Variants in ITGA9 observed in about 807,000 individuals in gnomAD.
ITGA9 encodes the protein integrin alpha-9.
A neutral mutation model predicts 127.8 loss-of-function variants in ITGA9; 56 were observed. The observed-to-expected ratio is 0.44, with a 90% CI of 0.35 to 0.55. The LOEUF (loss-of-function observed/expected upper bound fraction) is 0.55. ITGA9 is among the 20% of genes least tolerant of loss of function. The pLI is 0.00. For missense variants in ITGA9, 1,196 were observed against 1,347.1 expected (o/e 0.89, Z 1.76); for synonymous variants, 508 against 514.5 (o/e 0.99, Z 0.17).
chr3:37,495,900 C>A (rs1351322207), intron 5 of ITGA9, among the ~76,000 whole-genome samples: 1 of 152,204 alleles, frequency 6.6e-6, no homozygotes, highest in African/African-American at 2.4e-5. Flanking sequence ...CCTTCTGACT[C>A]CGAGGCTTCC....
At chr3:37,674,095 G>A (rs1447836293) in intron 17 of ITGA9, among the ~76,000 whole-genome samples, 1 of 152,192 alleles carries the variant, frequency 6.6e-6, no homozygotes, top group Non-Finnish European at 1.5e-5. Context: ...ATTATTCTTA[G>A]GAGACATAGA....
At chr3:37,553,565 C>T (rs1235595458) in intron 15 of ITGA9, among the ~76,000 whole-genome samples, 1 of 152,236 alleles carries the variant, frequency 6.6e-6, no homozygotes, top group Non-Finnish European at 1.5e-5. Context: ...TCCAACATCA[C>T]TGAAGGTATG....
chr3:37,615,921 GATTC>G (rs1174004452), intron 15 of ITGA9, among the ~76,000 whole-genome samples: 1 of 152,134 alleles, frequency 6.6e-6, no homozygotes, highest in Non-Finnish European at 1.5e-5. Context: ...ACAGCTCCTG[GATTC>G]ATTGATTTTT....
chr3:37,773,155 C>T (rs2125548186), intron 23 of ITGA9, among the ~76,000 whole-genome samples: 1 of 152,330 alleles, frequency 6.6e-6, no homozygotes, highest in South Asian at 2.1e-4. Flanking sequence ...CAAGCTTCCT[C>T]TCCCTGCCTA....
intron 23 of ITGA9, among the ~76,000 whole-genome samples, chr3:37,765,955 G>C (rs573731774): frequency 6.6e-6 from 1 of 152,350 alleles, no homozygotes; most frequent in Non-Finnish European, 1.5e-5. Context: ...ATGCGTAGGT[G>C]CCTGGTGTTT....
intron 19 of ITGA9, among the ~76,000 whole-genome samples, chr3:37,734,529 G>A (rs376219986): frequency 2.9e-4 from 44 of 152,010 alleles, no homozygotes; most frequent in Non-Finnish European, 5.4e-4. Flanking sequence ...TCTCTCTGTC[G>A]CCCAGGCTGG....
intron 22 of ITGA9, chr3:37,748,939 TAAA>T: frequency 7.3e-6 from 4 of 551,632 alleles, no homozygotes; most frequent in African/African-American, 2.0e-5. Flanking sequence ...CTGGACTGTT[TAAA>T]AAAAAAAAGA....
intron 18 of ITGA9, among the ~76,000 whole-genome samples, chr3:37,701,161 C>T (rs1700941662): frequency 6.6e-6 from 1 of 152,226 alleles, no homozygotes; most frequent in African/African-American, 2.4e-5. Context: ...CCTTTGTCCA[C>T]ATGGGTTTCT....
Position 37,517,625 on chromosome 3 carries a change from T to C in ITGA9, c.1141+16T>C. On this transcript the variant is annotated intron_variant, in intron 10 of 27. Coordinates refer to ENST00000264741, the MANE Select transcript of ITGA9 (RefSeq NM_002207.3). ...GGGTTCCCAGGTGAGTGAGTGCTCCTGGTGCACGGAGCCCCTCCAGGTGCA... is the reference window on the plus strand; with the variant it reads ...GGGTTCCCAGGTGAGTGAGTGCTCCCGGTGCACGGAGCCCCTCCAGGTGCA... 6.5e-7 allele frequency: 1 copy of C among 1,533,990 alleles called. No homozygotes were observed. Among genetic ancestry groups the C allele is most frequent in the South Asian group, 1.2e-5 (1 of 84,144 alleles).
intron 26 of ITGA9, chr3:37,790,471 A>G (rs1031858053): frequency 2.8e-6 from 1 of 351,394 alleles, no homozygotes; most frequent in Non-Finnish European, 5.7e-6. Flanking sequence ...CCTCAGGTTT[A>G]CGCCACTTGT....
chr3:37,589,796 A>G (rs1221403873), intron 15 of ITGA9, among the ~76,000 whole-genome samples: 1 of 152,174 alleles, frequency 6.6e-6, no homozygotes, highest in Non-Finnish European at 1.5e-5. Context: ...ACGAGGTCAG[A>G]GACATGACAG....
intron 3 of ITGA9, among the ~76,000 whole-genome samples, chr3:37,479,035 A>G (rs1559516232): frequency 6.6e-6 from 1 of 152,198 alleles, no homozygotes; most frequent in East Asian, 1.9e-4. Context: ...CCTCCAACTC[A>G]GAAATACAAT....
At chr3:37,616,642 G>A (rs1575168478) in intron 15 of ITGA9, among the ~76,000 whole-genome samples, 1 of 152,274 alleles carries the variant, frequency 6.6e-6, no homozygotes, top group African/African-American at 2.4e-5. Context: ...ATGAATCTGG[G>A]TGCTCCTGTA....
chr3:37,609,825 C>T (rs935915364), intron 15 of ITGA9, among the ~76,000 whole-genome samples: 1 of 152,212 alleles, frequency 6.6e-6, no homozygotes, highest in African/African-American at 2.4e-5. Flanking sequence ...GGCCTAGAAG[C>T]CTGGGCTTAG....
At chr3:37,818,088 T>C (rs1318073255) in intron 27 of ITGA9, among the ~76,000 whole-genome samples, 2 of 149,198 alleles carry the variant, frequency 1.3e-5, no homozygotes, top group Non-Finnish European at 3.0e-5. Context: ...ACTAGGTTTA[T>C]CAAAAGCCAA....
chr3:37,473,275 G>T, intron 2 of ITGA9, 79 bp from the exon 3 acceptor site: 1 of 1,027,800 alleles, frequency 9.7e-7, no homozygotes. Context: ...TTCCTCATAG[G>T]GCTGTGGACC....
At chr3:37,795,718 G>A (rs1297630916) in intron 26 of ITGA9, among the ~76,000 whole-genome samples, 3 of 151,998 alleles carry the variant, frequency 2.0e-5, no homozygotes, top group Admixed American at 1.3e-4. Flanking sequence ...AGCCTGCTAC[G>A]ACCCTCACAG....
At chr3:37,702,570 A>G (rs925294521) in intron 18 of ITGA9, among the ~76,000 whole-genome samples, 1 of 152,076 alleles carries the variant, frequency 6.6e-6, no homozygotes, top group African/African-American at 2.4e-5. Flanking sequence ...AAAAGGCAGA[A>G]TGCAATTCTC....
chr3:37,465,235 C>T (rs748111852), intron 1 of ITGA9, among the ~76,000 whole-genome samples: 2 of 152,168 alleles, frequency 1.3e-5, no homozygotes, highest in Non-Finnish European at 2.9e-5. Flanking sequence ...CTCTGTCACC[C>T]GCTCTCCAGA....
Sources: allele counts gnomAD v4.1 joint callset (sites outside exome capture counted in the v4.1 genomes callset), GRCh38; gene constraint gnomAD v4.1.1; transcripts MANE v1.5; gene names NCBI Gene and HGNC (gene_info 2026-07-23, HGNC 2026-07-21).